The following OPCML variants were observed in gnomAD, a reference collection of about 807,000 sequenced individuals.
OPCML encodes the protein opioid binding protein/cell adhesion molecule like.
A neutral mutation model predicts 37.8 loss-of-function variants in OPCML; 13 were observed. The observed-to-expected ratio is 0.34, with a 90% CI of 0.22 to 0.55. OPCML has a LOEUF of 0.55. Ranked by LOEUF, OPCML falls within the 20% of genes least tolerant of loss-of-function variation. The pLI is 0.91. For synonymous variants in OPCML, 176 were observed against 168.8 expected, an observed-to-expected ratio of 1.04 and a Z score of -0.33; for missense variants, 341 against 435.6, an observed-to-expected ratio of 0.78 and a Z score of 1.93.
intron 2 of OPCML, among the ~76,000 whole-genome samples, chr11:132,711,548 G>A (rs963127508): frequency 1.3e-5 from 2 of 152,326 alleles, no homozygotes; most frequent in Admixed American, 6.5e-5. Flanking sequence ...TAGGCTGGGC[G>A]AATATTAGTG....
chr11:132,794,817 CA>C (rs1938200846), intron 2 of OPCML, among the ~76,000 whole-genome samples: 1 of 151,340 alleles, frequency 6.6e-6, no homozygotes, highest in African/African-American at 2.4e-5. Flanking sequence ...TTTGTATATT[CA>C]AACAATGCAC....
At chr11:133,483,682 AG>A (rs1947438656) in intron 1 of OPCML, among the ~76,000 whole-genome samples, 2 of 104,904 alleles carry the variant, frequency 1.9e-5, no homozygotes, top group African/African-American at 9.1e-5. Context: ...GATGATAGAT[AG>A]ATAGATAGAT....
chr11:133,185,054 C>T (rs768179517), intron 1 of OPCML, among the ~76,000 whole-genome samples: 1 of 152,126 alleles, frequency 6.6e-6, no homozygotes, highest in African/African-American at 2.4e-5. Flanking sequence ...ACAAAGCCAA[C>T]CCAGCTTTCA....
At chr11:133,320,690 C>T (rs1943308227) in intron 1 of OPCML, among the ~76,000 whole-genome samples, 1 of 152,186 alleles carries the variant, frequency 6.6e-6, no homozygotes. Flanking sequence ...TTATGCTCTT[C>T]TCTGGAAACA....
intron 1 of OPCML, among the ~76,000 whole-genome samples, chr11:133,304,631 AG>A (rs1942866325): frequency 6.6e-6 from 1 of 152,148 alleles, no homozygotes; most frequent in South Asian, 2.1e-4. Flanking sequence ...GCCTTCTTGA[AG>A]CAAAAGTGTG....
intron 1 of OPCML, among the ~76,000 whole-genome samples, chr11:133,449,479 A>T (rs1161336263): frequency 2.0e-5 from 3 of 152,172 alleles, no homozygotes; most frequent in African/African-American, 7.2e-5. Context: ...TGCTGTGACC[A>T]ATCACCACAG....
At chr11:132,809,005 TA>T (rs2136221018) in intron 2 of OPCML, among the ~76,000 whole-genome samples, 1 of 152,228 alleles carries the variant, frequency 6.6e-6, no homozygotes, top group Admixed American at 6.5e-5. Flanking sequence ...GGTTGCTTTT[TA>T]AAAGTTTGCT....
At chr11:132,962,831 T>C (rs761301290) in intron 1 of OPCML, among the ~76,000 whole-genome samples, 6 of 152,172 alleles carry the variant, frequency 3.9e-5, no homozygotes, top group Middle Eastern at 3.2e-3. Context: ...CAATATTTAC[T>C]TTACACCAGG....
intron 1 of OPCML, among the ~76,000 whole-genome samples, chr11:133,376,192 A>G (rs1170370225): frequency 1.4e-5 from 2 of 140,366 alleles, no homozygotes; most frequent in Admixed American, 7.0e-5. Context: ...AAATTGCAAT[A>G]CTTTTTTTTA....
chr11:133,187,113 C>T (rs945631131), intron 1 of OPCML, among the ~76,000 whole-genome samples: 1 of 152,148 alleles, frequency 6.6e-6, no homozygotes, highest in African/African-American at 2.4e-5. Context: ...ACAGGATGCT[C>T]TACTGAGAAT....
chr11:132,567,274 C>T (rs945675314), intron 3 of OPCML, among the ~76,000 whole-genome samples: 7 of 152,314 alleles, frequency 4.6e-5, no homozygotes, highest in East Asian at 1.9e-4. Flanking sequence ...TTGCCACGCT[C>T]ATCATTGCAA....
At chr11:133,131,603 G>T (rs1427314005) in intron 1 of OPCML, among the ~76,000 whole-genome samples, 1 of 152,180 alleles carries the variant, frequency 6.6e-6, no homozygotes, top group African/African-American at 2.4e-5. Flanking sequence ...AAGACAGTGT[G>T]CAGTTTCTTA....
At chr11:132,761,840 T>C (rs986680918) in intron 2 of OPCML, among the ~76,000 whole-genome samples, 2 of 152,112 alleles carry the variant, frequency 1.3e-5, no homozygotes, top group African/African-American at 4.8e-5. Flanking sequence ...CCATCCAGTT[T>C]TGTTCCATTG....
intron 1 of OPCML, among the ~76,000 whole-genome samples, chr11:133,218,859 G>A (rs768095466): frequency 1.3e-5 from 2 of 152,164 alleles, no homozygotes; most frequent in Admixed American, 6.5e-5. Flanking sequence ...CTTACTAGAG[G>A]CAGGAGAATG....
At chr11:133,262,939 C>T (rs1053048351) in intron 1 of OPCML, among the ~76,000 whole-genome samples, 3 of 151,532 alleles carry the variant, frequency 2.0e-5, no homozygotes, top group Non-Finnish European at 2.9e-5. Context: ...AGGAGAAATA[C>T]CTAAAGAGAG....
intron 3 of OPCML, among the ~76,000 whole-genome samples, chr11:132,535,862 C>A (rs1048986304): frequency 6.6e-6 from 1 of 152,156 alleles, no homozygotes; most frequent in Admixed American, 6.5e-5. Context: ...AAACTCTGAG[C>A]TCAATCCTTG....
intron 2 of OPCML, among the ~76,000 whole-genome samples, chr11:132,727,578 A>G (rs191915283): frequency 1.9e-3 from 283 of 152,202 alleles, no homozygotes; most frequent in Non-Finnish European, 2.7e-3. Flanking sequence ...CTCAACCTCA[A>G]CTGCAGGCTG....
intron 1 of OPCML, chr11:133,024,550 A>G: frequency 1.0e-6 from 1 of 985,338 alleles, no homozygotes; most frequent in Admixed American, 6.1e-5. Flanking sequence ...TTTGCACGTA[A>G]TTCATGTACA....
At chr11:133,514,723 T>C (rs905333126) in intron 1 of OPCML, among the ~76,000 whole-genome samples, 2 of 152,236 alleles carry the variant, frequency 1.3e-5, no homozygotes, top group East Asian at 3.8e-4. Flanking sequence ...TATAACCCAC[T>C]GATTTTAAAT....
Sources: allele counts gnomAD v4.1 joint callset (sites outside exome capture counted in the v4.1 genomes callset), GRCh38; gene constraint gnomAD v4.1.1; transcripts MANE v1.5; gene names NCBI Gene and HGNC (gene_info 2026-07-23, HGNC 2026-07-21).